Variants in ARFGEF3 observed in about 807,000 individuals in gnomAD.
ARFGEF3 encodes ARFGEF family member 3, also known as brefeldin A-inhibited guanine nucleotide-exchange protein 3.
A neutral mutation model predicts 221.7 loss-of-function variants in ARFGEF3; 96 were observed. The ratio of observed to expected loss-of-function variants is 0.43; its 90% CI spans 0.37 to 0.51. The LOEUF is 0.51. ARFGEF3 is among the 20% of genes least tolerant of loss of function. The probability of loss-of-function intolerance (pLI) is 0.00; values close to 1 mark genes in which losing one functional copy is unlikely to be tolerated. For missense variants in ARFGEF3, 2,410 were observed against 2,789.9 expected, an observed-to-expected ratio of 0.86 and a Z score of 3.07; for synonymous variants, 1,145 against 1,126.8, an observed-to-expected ratio of 1.02 and a Z score of -0.32.
intron 32 of ARFGEF3, among the ~76,000 whole-genome samples, chr6:138,329,682 AAAAC>A (rs1430388295): frequency 2.6e-5 from 4 of 152,150 alleles, no homozygotes; most frequent in Admixed American, 1.3e-4. Flanking sequence ...AACAAACAAA[AAAAC>A]AAACTGGGTT....
chr6:138,197,515 C>T (rs972281675), intron 2 of ARFGEF3, among the ~76,000 whole-genome samples: 9 of 152,116 alleles, frequency 5.9e-5, no homozygotes, highest in East Asian at 1.9e-4. Flanking sequence ...ATACAACTGG[C>T]GGCACAGTTG....
chr6:138,167,790 C>T (rs1484494918), intron 1 of ARFGEF3, among the ~76,000 whole-genome samples: 1 of 152,210 alleles, frequency 6.6e-6, no homozygotes, highest in Non-Finnish European at 1.5e-5. Flanking sequence ...AGTAGTGTCA[C>T]CTTGGAAACC....
At chr6:138,244,769 A>T (rs752990366) in intron 7 of ARFGEF3, among the ~76,000 whole-genome samples, 1 of 152,152 alleles carries the variant, frequency 6.6e-6, no homozygotes, top group Non-Finnish European at 1.5e-5. Flanking sequence ...ATCTTTTCCC[A>T]TGCTACCTTA....
rs538647572 is a variant in ARFGEF3, at chr6:138,340,060, G to C, written c.*3574G>C. ...AACCTGGCCAACGTGGTGAAACCCCGTCTCTACTAAAAATACAAAATTAGC... is the reference window on the plus strand; with the variant it reads ...AACCTGGCCAACGTGGTGAAACCCCCTCTCTACTAAAAATACAAAATTAGC... On this transcript the variant is annotated 3_prime_UTR_variant, in exon 34 of 34. Transcript: ENST00000251691. 1 of 152,082 alleles carries C rather than the reference G, an allele frequency of 6.6e-6. No homozygotes were observed. The highest frequency in any genetic ancestry group is 1.5e-5 in the Non-Finnish European group (1 of 68,026). The allele number at this position is 152,082 out of a possible 1,614,324, so 9.4% of individuals were successfully genotyped here.
chr6:138,324,541 C>T (rs1780094635), intron 31 of ARFGEF3, among the ~76,000 whole-genome samples: 2 of 152,190 alleles, frequency 1.3e-5, no homozygotes, highest in African/African-American at 4.8e-5. Context: ...CTTTCATTCA[C>T]AACACAGAAC....
intron 2 of ARFGEF3, among the ~76,000 whole-genome samples, chr6:138,198,475 A>G (rs1036348569): frequency 1.5e-4 from 23 of 152,246 alleles, no homozygotes; most frequent in African/African-American, 4.6e-4. Flanking sequence ...AGTTGGCTCA[A>G]TGGAATTGGC....
At chr6:138,185,381 A>G (rs1157895430) in intron 2 of ARFGEF3, among the ~76,000 whole-genome samples, 1 of 152,114 alleles carries the variant, frequency 6.6e-6, no homozygotes, top group Non-Finnish European at 1.5e-5. Context: ...AGGGAATTGG[A>G]CTTTGTTACT....
At position 138,167,855 on chromosome 6, in the gene ARFGEF3, A is replaced by G. The variant is rs149023637; in HGVS notation, c.86-2807A>G. On this transcript the variant is annotated intron_variant, in intron 1 of 33. Transcript: ENST00000251691. ...ACACTGAATAGCATCCCATTAGGAT[A>G]AAAACAAAAGTCCTTGGTGTGTTCT... Among the ~76,000 whole-genome samples the G allele has an allele frequency of 2.1e-4, 32 of 152,338 alleles. No individual in the cohort carries two copies. The East Asian group carries it at 5.0e-3, about 24-fold the overall frequency.
chr6:138,165,458 C>T (rs1216589838), intron 1 of ARFGEF3, among the ~76,000 whole-genome samples: 9 of 151,586 alleles, frequency 5.9e-5, no homozygotes, highest in Non-Finnish European at 1.0e-4. Flanking sequence ...GAGGGTCATT[C>T]CCCACTGAGA....
chr6:138,226,766 A>G (rs1266719975), intron 4 of ARFGEF3, among the ~76,000 whole-genome samples: 3 of 152,170 alleles, frequency 2.0e-5, no homozygotes, highest in Non-Finnish European at 4.4e-5. Flanking sequence ...TAAATTTTCT[A>G]CCCCTAGTCT....
In ARFGEF3 at chr6:138,319,684, G is replaced by T. The variant is rs373595118; in HGVS notation, c.4475-19G>T. On this transcript the variant is annotated intron_variant, in intron 27 of 33. Transcript: ENST00000251691. ...CCCTTTTATTACAGGTTGTTGCTAC[G>T]CTGACTTTTCTTTTTCAGGACCAGG... 5 of 1,573,030 alleles carry T rather than the reference G, an allele frequency of 3.2e-6. No individual in the cohort carries two copies. The African/African-American group carries it at 5.5e-5, about 17-fold the overall frequency.
intron 27 of ARFGEF3, among the ~76,000 whole-genome samples, chr6:138,317,600 C>T (rs1411660549): frequency 2.0e-5 from 3 of 152,124 alleles, no homozygotes; most frequent in Non-Finnish European, 2.9e-5. Context: ...TTACAAGTAT[C>T]GTGTGGTGGC....
At chr6:138,212,292 C>T (rs1777744312) in intron 4 of ARFGEF3, among the ~76,000 whole-genome samples, 1 of 152,180 alleles carries the variant, frequency 6.6e-6, no homozygotes, top group African/African-American at 2.4e-5. Context: ...ATTTGGGAGG[C>T]CAAGGCAGGG....
At chr6:138,257,973 T>C (rs1243567465) in intron 10 of ARFGEF3, among the ~76,000 whole-genome samples, 3 of 152,180 alleles carry the variant, frequency 2.0e-5, no homozygotes, top group Non-Finnish European at 2.9e-5. Flanking sequence ...AGGCTGAAAA[T>C]AGCTGGTTCA....
Position 138,162,475 on chromosome 6 carries a change from G to T in ARFGEF3, c.85+304G>T, listed in dbSNP as rs1037985202. 2.0e-5 allele frequency among the ~76,000 whole-genome samples: 3 copies of T among 152,196 alleles called. No homozygotes were observed. The highest frequency in any genetic ancestry group is 7.2e-5 in the African/African-American group (3 of 41,454). On this transcript the variant is annotated intron_variant, in intron 1 of 33. Transcript: ENST00000251691. This position sits in a 1 kb window ranked among gnomAD's most constrained non-coding sequence, Gnocchi z 4.7. Reference sequence around the variant, plus strand: ...CGATGCTTCCCCATCGCCGAGTTAGGCAGGACCCGGAGCCGGTGCGAATCC... The same window carrying T: ...CGATGCTTCCCCATCGCCGAGTTAGTCAGGACCCGGAGCCGGTGCGAATCC...
intron 21 of ARFGEF3, among the ~76,000 whole-genome samples, chr6:138,298,191 G>A (rs2114646329): frequency 6.6e-6 from 1 of 152,244 alleles, no homozygotes; most frequent in South Asian, 2.1e-4. Flanking sequence ...GAGCTACTGT[G>A]GCAATTTGTC....
intron 1 of ARFGEF3, 66 bp from the exon 2 acceptor site, chr6:138,170,596 T>C (rs1227397587): frequency 2.3e-5 from 20 of 854,316 alleles, no homozygotes; most frequent in Admixed American, 4.2e-5. Flanking sequence ...AACAGAGAAA[T>C]TCATGTACAA....
At chr6:138,280,297 G>A (rs1779175844) in intron 14 of ARFGEF3, 133 bp downstream of exon 14, 2 of 822,500 alleles carry the variant, frequency 2.4e-6, no homozygotes, top group African/African-American at 3.4e-5. Flanking sequence ...CCTGGCAATG[G>A]TGACAGTTCC....
intron 29 of ARFGEF3, among the ~76,000 whole-genome samples, chr6:138,321,511 A>G (rs1780026913): frequency 6.6e-6 from 1 of 152,232 alleles, no homozygotes; most frequent in Non-Finnish European, 1.5e-5. Context: ...CATAAGAGAA[A>G]CGCAAATTGA....
Sources: gnomAD v4.1 joint callset for allele counts (sites outside exome capture counted in the v4.1 genomes callset) on GRCh38, gnomAD v4.1.1 for gene constraint, Gnocchi (gnomAD v3.1) non-coding constraint, MANE v1.5 for transcripts, NCBI Gene and HGNC (gene_info 2026-07-23, HGNC 2026-07-21) for gene names.